The following DEFB129 variants were observed in gnomAD, a reference collection of about 807,000 sequenced individuals.
DEFB129 encodes beta-defensin 129.
In DEFB129, 2 loss-of-function variants were observed where a neutral mutation model predicts 2.5. That is an observed-to-expected ratio of 0.80 (90% confidence interval 0.33 to 2.53). DEFB129 has a LOEUF of 2.53. Among genes scored for constraint, DEFB129 ranks in the 30% most tolerant of loss-of-function variants. The probability of loss-of-function intolerance (pLI) is 0.11; values close to 1 mark genes in which losing one functional copy is unlikely to be tolerated. For missense variants in DEFB129, 177 were observed against 216.9 expected (o/e 0.82, Z 1.16); for synonymous variants, 76 against 74.4 (o/e 1.02, Z -0.11).
rs780986948 is a variant in DEFB129, at chr20:229,724, A to G, written c.505A>G (p.Ile169Val). Reference sequence around the variant, plus strand: ...ACCACCAGCACCACCTCCACCAAACATACTGCCAACACCATCACTGGAGCT... The same window carrying G: ...ACCACCAGCACCACCTCCACCAAACGTACTGCCAACACCATCACTGGAGCT... ...SPPPAPPPPNILPTPSLELEE... is the reference protein window; with the variant it reads ...SPPPAPPPPNVLPTPSLELEE... The change falls in exon 2 of 2, where the codon ATA (isoleucine) becomes GTA (valine). Residue 169 changes from isoleucine to valine, a missense_variant. By Grantham distance (29) the Ile-to-Val change is conservative. Transcript: ENST00000246105. 1.9e-5 allele frequency: 31 copies of G among 1,613,112 alleles called. No homozygotes were observed. The Middle Eastern group carries it at 8.2e-4, about 43-fold the overall frequency.
Position 229,429 on chromosome 20 carries a change from A to G in DEFB129, c.210A>G (p.Gly70=), listed in dbSNP as rs141895695. ...TGATTAAAAACTACCTGCAATATGG[A>G]ACACCAAATGTACTTAATGAAGACG... ...VKLIKNYLQY[G]TPNVLNEDVQ... The change falls in exon 2 of 2, where the codon GGA becomes GGG. Residue 70 remains glycine, a synonymous_variant. Transcript: ENST00000246105. The G allele has an allele frequency of 1.1e-5, 18 of 1,614,066 alleles. No individual in the cohort carries two copies. The highest frequency in any genetic ancestry group is 2.5e-6 in the Non-Finnish European group (3 of 1,180,040).
At chr20:227,498 A>G in intron 1 of DEFB129, 152 bp downstream of exon 1, 2 of 839,470 alleles carry the variant, frequency 2.4e-6, no homozygotes, top group South Asian at 3.2e-5. Flanking sequence ...TCATGCACTG[A>G]TACATTCTCA....
Position 227,844 on chromosome 20 carries a change from C to G in DEFB129, c.58+498C>G, listed in dbSNP as rs2011299115. 2.0e-5 allele frequency among the ~76,000 whole-genome samples: 3 copies of G among 152,132 alleles called. No individual in the cohort carries two copies. The South Asian group carries it at 6.2e-4, about 32-fold the overall frequency. ...ATTAGCTATTTTTCCTGATGCTCTCCCTCCACCCAACAGGCCCCAGTGTGT... is the reference window on the plus strand; with the variant it reads ...ATTAGCTATTTTTCCTGATGCTCTCGCTCCACCCAACAGGCCCCAGTGTGT... On this transcript the variant is annotated intron_variant, in intron 1 of 1. Transcript: ENST00000246105.
chr20:227,849 A>G (rs2011299134), intron 1 of DEFB129, among the ~76,000 whole-genome samples: 2 of 151,786 alleles, frequency 1.3e-5, no homozygotes, highest in South Asian at 4.2e-4. Flanking sequence ...CTCTCCCTCC[A>G]CCCAACAGGC....
In DEFB129 at chr20:229,770, A is replaced by T. The variant is rs1281108089; in HGVS notation, c.551A>T (p.Ter184LeuextTer6). ...SLELEEAEEQ[*>L] ...GAGCTAGAGGAAGCAGAAGAGCAGT[A>T]ATGTGGATCTTTCCCTTAAAACTCC... Residue 184 changes from the stop codon to leucine (L), a stop_lost, in exon 2 of 2, where the codon TAA becomes TTA. Coordinates refer to ENST00000246105, the MANE Select transcript of DEFB129 (RefSeq NM_080831.4). The T allele has an allele frequency of 6.2e-7, 1 of 1,603,254 alleles. No homozygotes were observed. Among genetic ancestry groups the T allele is most frequent in the Non-Finnish European group, 8.5e-7 (1 of 1,177,580 alleles).
intron 1 of DEFB129, among the ~76,000 whole-genome samples, chr20:228,253 A>G (rs2011303382): frequency 6.6e-6 from 1 of 152,214 alleles, no homozygotes. Context: ...GGAAGTGTCA[A>G]AGATGCTTCT....
rs1394658202 is a variant in DEFB129, at chr20:229,402, A to C, written c.183A>C (p.Lys61Asn). 6.2e-7 allele frequency: 1 copy of C among 1,614,204 alleles called. No individual in the cohort carries two copies. The highest frequency in any genetic ancestry group is 8.5e-7 in the Non-Finnish European group (1 of 1,180,040). ...KKCCVGPKVVKLIKNYLQYGT... is the reference protein window; with the variant it reads ...KKCCVGPKVVNLIKNYLQYGT... ...GTTGTGTTGGACCAAAAGTGGTTAA[A>C]TTGATTAAAAACTACCTGCAATATG... Residue 61 changes from lysine (K) to asparagine (N), a missense_variant, in exon 2 of 2, where the codon AAA becomes AAC. Coordinates refer to ENST00000246105, the MANE Select transcript of DEFB129 (RefSeq NM_080831.4).
intron 1 of DEFB129, 61 bp downstream of exon 1, chr20:227,407 A>C (rs2011293472): frequency 6.3e-7 from 1 of 1,582,798 alleles, no homozygotes; most frequent in Non-Finnish European, 8.7e-7. Context: ...TTGGCTGCCC[A>C]TGACAATGGA....
rs113696069 is a variant in DEFB129, at chr20:229,568, G to T, written c.349G>T (p.Val117Phe). Residue 117 changes from valine to phenylalanine, a missense_variant, in exon 2 of 2, where the codon GTC (valine) becomes TTC (phenylalanine). Coordinates refer to ENST00000246105, the MANE Select transcript of DEFB129 (RefSeq NM_080831.4). ...STSFFANTNF[V>F]IIPNATPMNS... ...TAGCTTTTTTGCTAATACCAACTTT[G>T]TCATCATTCCAAATGCCACCCCTAT... The T allele has an allele frequency of 8.7e-5, 141 of 1,614,074 alleles. 2 individuals carry two copies. In the African/African-American group the frequency reaches 1.5e-3, roughly 17 times the overall value.
In DEFB129 at chr20:229,816, T is replaced by C. The variant is rs1568480664; in HGVS notation, c.*45T>C. 6.4e-7 allele frequency: 1 copy of C among 1,566,764 alleles called. No homozygotes were observed. The highest frequency in any genetic ancestry group is 8.6e-7 in the Non-Finnish European group (1 of 1,163,918). The stretch of plus-strand genomic sequence containing the variant: ...ACTCCAAGTTCCTCTCTATTTTTGC[T>C]ATCTATAAAATGACATAGAACTGTT... On this transcript the variant is annotated 3_prime_UTR_variant, in exon 2 of 2. Coordinates refer to ENST00000246105, the MANE Select transcript of DEFB129 (RefSeq NM_080831.4).
intron 1 of DEFB129, among the ~76,000 whole-genome samples, chr20:227,857 G>A (rs1387016288): frequency 6.6e-6 from 1 of 152,074 alleles, no homozygotes; most frequent in Non-Finnish European, 1.5e-5. Flanking sequence ...CCACCCAACA[G>A]GCCCCAGTGT....
intron 1 of DEFB129, among the ~76,000 whole-genome samples, chr20:227,873 G>T (rs113610386): frequency 3.3e-5 from 5 of 152,036 alleles, no homozygotes; most frequent in African/African-American, 9.7e-5. Context: ...AGTGTGTGTT[G>T]TTCCCCTTCC....
chr20:229,293 G>A lies in DEFB129; in HGVS notation c.74G>A (p.Arg25Lys), dbSNP rs1390095554. 1 of 1,585,688 alleles carries A rather than the reference G, an allele frequency of 6.3e-7. No individual in the cohort carries two copies. Among genetic ancestry groups the A allele is most frequent in the Admixed American group, 1.9e-5 (1 of 53,380 alleles). Residue 25 changes from arginine (R) to lysine (K), a missense_variant, in exon 2 of 2, where the codon AGA becomes AAA. Coordinates refer to ENST00000246105, the MANE Select transcript of DEFB129 (RefSeq NM_080831.4). ...TTTTATACAGAATTTATTGGCTTGA[G>A]ACGCTGTTTAATGGGTTTGGGGAGA... is the stretch of plus-strand genomic sequence containing the variant. ...YQVNTEFIGL[R>K]RCLMGLGRCR...
At chr20:229,226 A>T in intron 1 of DEFB129, 52 bp from the exon 2 acceptor site, 1 of 1,529,832 alleles carries the variant, frequency 6.5e-7, no homozygotes, top group Non-Finnish European at 8.7e-7. Flanking sequence ...CAGTTTTAAC[A>T]TCATCTCTAG....
intron 1 of DEFB129, 111 bp from the exon 2 acceptor site, chr20:229,167 A>T: frequency 7.2e-7 from 1 of 1,390,234 alleles, no homozygotes; most frequent in Non-Finnish European, 9.7e-7. Context: ...CACTGGGCTT[A>T]AAATGTAGTA....
At chr20:228,404 A>G (rs1286883718) in intron 1 of DEFB129, among the ~76,000 whole-genome samples, 1 of 152,224 alleles carries the variant, frequency 6.6e-6, no homozygotes, top group African/African-American at 2.4e-5. Context: ...GGGGTTAATC[A>G]ATGCAGCTGA....
intron 1 of DEFB129, among the ~76,000 whole-genome samples, chr20:228,374 C>T (rs1012534411): frequency 1.3e-5 from 2 of 152,294 alleles, no homozygotes; most frequent in African/African-American, 4.8e-5. Context: ...CTTTGAACTT[C>T]AATTTCACAT....
At chr20:227,855 C>T (rs940184500) in intron 1 of DEFB129, among the ~76,000 whole-genome samples, 12 of 152,192 alleles carry the variant, frequency 7.9e-5, no homozygotes, top group Non-Finnish European at 8.8e-5. Flanking sequence ...CTCCACCCAA[C>T]AGGCCCCAGT....
rs2122160969 is a variant in DEFB129 at position 229,729 on chromosome 20, G to A, written c.510G>A (p.Leu170=). 2 of 1,612,868 alleles carry A rather than the reference G, an allele frequency of 1.2e-6. No individual in the cohort carries two copies. Among genetic ancestry groups the A allele is most frequent in the East Asian group, 2.2e-5 (1 of 44,878 alleles). The change falls in exon 2 of 2, where the codon CTG becomes CTA. Residue 170 remains leucine, a synonymous_variant. Transcript: ENST00000246105. ...CAGCACCACCTCCACCAAACATACT[G>A]CCAACACCATCACTGGAGCTAGAGG... The part of the protein sequence containing the change: ...PPPAPPPPNI[L]PTPSLELEEA...
Sources: allele counts gnomAD v4.1 joint callset (sites outside exome capture counted in the v4.1 genomes callset), GRCh38; gene constraint gnomAD v4.1.1; transcripts MANE v1.5; gene names NCBI Gene and HGNC (gene_info 2026-07-23, HGNC 2026-07-21).